The following COL16A1 variants were observed in gnomAD, a reference collection of about 807,000 sequenced individuals.
COL16A1 encodes collagen alpha-1(XVI) chain.
COL16A1 carries 189 observed loss-of-function variants against 266.3 expected under a neutral mutation model. The ratio of observed to expected loss-of-function variants is 0.71; its 90% CI spans 0.63 to 0.80. The LOEUF is 0.80. COL16A1 is among the 30% of genes least tolerant of loss of function. The probability of loss-of-function intolerance (pLI) is 0.00; values close to 1 mark genes in which losing one functional copy is unlikely to be tolerated. For missense variants in COL16A1, 1,928 were observed against 2,122.4 expected (o/e 0.91, Z 1.80); for synonymous variants, 740 against 782.3 (o/e 0.95, Z 0.90).
At position 31,680,937 on chromosome 1, in the gene COL16A1, G is replaced by T; in HGVS notation, c.2584-6C>A. On this transcript the variant is annotated splice_region_variant and splice_polypyrimidine_tract_variant and intron_variant, in intron 38 of 70. Transcript: ENST00000373672. ...CCTCGTGGTCCTTTTTCACCCTGCA[G>T]GGAAGAAACACAGGAAGGTGAGCAG... The T allele has an allele frequency of 6.2e-7, 1 of 1,614,170 alleles. No individual in the cohort carries two copies. The highest frequency in any genetic ancestry group is 1.3e-5 in the African/African-American group (1 of 75,050).
chr1:31,661,698 G>C lies in COL16A1; in HGVS notation c.3688C>G (p.Pro1230Ala), dbSNP rs373428227. 6 of 1,598,658 alleles carry C rather than the reference G, an allele frequency of 3.8e-6. No individual in the cohort carries two copies. The highest frequency in any genetic ancestry group is 3.3e-4 in the Middle Eastern group (2 of 6,024). Residue 1230 changes from proline (P) to alanine (A), a missense_variant, in exon 59 of 71, where the codon CCT becomes GCT. Physicochemically the swap from Pro to Ala is conservative, Grantham distance 27. This residue lies in a region of COL16A1 where 1,552 missense variants were observed against 1,637.2 expected (regional missense o/e 0.95). Coordinates refer to ENST00000373672, the MANE Select transcript of COL16A1 (RefSeq NM_001856.4). ...KDGKPGLRGD[P>A]GPAGPPGLMG... ...AGTCCAGGGGGGCCAGCAGGACCAG[G>C]GTCCCCCTAGGGAAAGAGACGAGGA...
chr1:31,689,326 A>C (rs1644147296), intron 23 of COL16A1: 1 of 642,300 alleles, frequency 1.6e-6, no homozygotes, highest in South Asian at 2.0e-5. Flanking sequence ...GCATATACCC[A>C]ATCACCTTTT....
At chr1:31,665,648 G>T in intron 54 of COL16A1, 30 bp from the exon 55 acceptor site, 1 of 1,610,646 alleles carries the variant, frequency 6.2e-7, no homozygotes, top group Middle Eastern at 1.7e-4. Flanking sequence ...GCAGTGTGCT[G>T]TGCCACCCCC....
intron 42 of COL16A1, among the ~76,000 whole-genome samples, chr1:31,676,501 G>A (rs1643198217): frequency 6.6e-6 from 1 of 152,086 alleles, no homozygotes; most frequent in Admixed American, 6.6e-5. Flanking sequence ...TACACAGCAA[G>A]GGTGGGTACT....
At chr1:31,684,087 G>A (rs1339449725) in intron 32 of COL16A1, 22 bp downstream of exon 32, 7 of 1,606,910 alleles carry the variant, frequency 4.4e-6, no homozygotes, top group Non-Finnish European at 4.3e-6. Flanking sequence ...GGCAGGGAAG[G>A]GCCGGAGGGC....
rs1344373075 is a variant in COL16A1 at position 31,672,448 on chromosome 1, G to A, written c.3073C>T (p.Pro1025Ser). Residue 1025 changes from proline (P) to serine (S), a missense_variant, in exon 47 of 71, where the codon CCT becomes TCT. Physicochemically the swap from Pro to Ser is moderately conservative, Grantham distance 74. Transcript: ENST00000373672. ...GCVGSPGLPG[P>S]PGLPGQRGEE... Reference sequence around the variant, plus strand: ...CCTCTCTGGCCTGGCAATCCCGGAGGACCAGGTAGGCCTGGGCTCCCAACA... The same window carrying A: ...CCTCTCTGGCCTGGCAATCCCGGAGAACCAGGTAGGCCTGGGCTCCCAACA... 1 of 1,614,150 alleles carries A rather than the reference G, an allele frequency of 6.2e-7. No homozygotes were observed. Among genetic ancestry groups the A allele is most frequent in the Non-Finnish European group, 8.5e-7 (1 of 1,180,006 alleles).
In COL16A1 at chr1:31,656,131, G is replaced by T; in HGVS notation, c.4101+269C>A. ...AGGACAAGGGCCTGGAATGTGAGCA[G>T]GAGCAAGGGAGTGCTCGGGAAATGG... On this transcript the variant is annotated intron_variant, in intron 66 of 70. Transcript: ENST00000373672. The surrounding 1 kb of genome is among the most constrained non-coding windows in gnomAD (Gnocchi z 4.2). The T allele has an allele frequency of 3.6e-6, 2 of 548,296 alleles. No homozygotes were observed. Among genetic ancestry groups the T allele is most frequent in the Non-Finnish European group, 6.4e-6 (2 of 312,480 alleles). The allele number at this position is 548,296 out of a possible 1,614,324, so 34.0% of individuals were successfully genotyped here.
intron 22 of COL16A1, 100 bp from the exon 23 acceptor site, chr1:31,689,951 C>A: frequency 1.1e-6 from 1 of 944,590 alleles, no homozygotes; most frequent in Non-Finnish European, 1.7e-6. Context: ...TTGGGTCCAC[C>A]AGAGCCCCAC....
intron 42 of COL16A1, among the ~76,000 whole-genome samples, chr1:31,677,335 G>A (rs1462292292): frequency 1.3e-5 from 2 of 152,152 alleles, no homozygotes; most frequent in African/African-American, 2.4e-5. Flanking sequence ...GTGATCTGCC[G>A]ACCTTGGCCT....
intron 37 of COL16A1, among the ~76,000 whole-genome samples, chr1:31,681,577 C>G (rs75724665): frequency 1.2e-3 from 183 of 152,366 alleles, no homozygotes; most frequent in African/African-American, 4.1e-3. Flanking sequence ...CCTAGGGTCA[C>G]GCCCCTAGCG....
At chr1:31,660,513 C>T in intron 62 of COL16A1, 72 bp downstream of exon 62, 2 of 1,591,674 alleles carry the variant, frequency 1.3e-6, no homozygotes, top group East Asian at 2.3e-5. Flanking sequence ...GTCATGACAG[C>T]CTATGCACCA....
Position 31,698,013 on chromosome 1 carries a change from C to A in COL16A1, c.550G>T (p.Val184Leu), listed in dbSNP as rs772771805. Reference sequence around the variant, plus strand: ...TGGGAGGAGGCTGAGCTGCAGTCCACGTGCACAGAGGCCACACGTCCAGCC... The same window carrying A: ...TGGGAGGAGGCTGAGCTGCAGTCCAAGTGCACAGAGGCCACACGTCCAGCC... ...SVAGRVASVHVDCSSASSQPL... is the reference protein window; with the variant it reads ...SVAGRVASVHLDCSSASSQPL... The change falls in exon 6 of 71, where the codon GTG (valine) becomes TTG (leucine). Residue 184 changes from valine (V) to leucine (L), a missense_variant. Coordinates refer to ENST00000373672, the MANE Select transcript of COL16A1 (RefSeq NM_001856.4). This position sits in a 1 kb window ranked among gnomAD's most constrained non-coding sequence, Gnocchi z 4.1. 6.2e-7 allele frequency: 1 copy of A among 1,613,608 alleles called. No homozygotes were observed. The highest frequency in any genetic ancestry group is 1.1e-5 in the South Asian group (1 of 91,074).
Position 31,692,625 on chromosome 1 carries a change from C to G in COL16A1, c.1131G>C (p.Lys377Asn). ...DAPLQCAEGP[K>N]GEKGESGALG... ...GAGCTCCTGACTCCCCCTTCTCTCC[C>G]TTCGGGCCTTCTGCACACTGAACAG... Residue 377 changes from lysine (K) to asparagine (N), a missense_variant, in exon 15 of 71, where the codon AAG becomes AAC. Around this residue, in one of 2 missense-constraint regions of COL16A1, gnomAD observed 1,552 missense variants for 1,637.2 expected, o/e 0.95. Coordinates refer to ENST00000373672, the MANE Select transcript of COL16A1 (RefSeq NM_001856.4). 1 of 1,614,182 alleles carries G rather than the reference C, an allele frequency of 6.2e-7. No individual in the cohort carries two copies. The highest frequency in any genetic ancestry group is 8.5e-7 in the Non-Finnish European group (1 of 1,180,010).
At chr1:31,678,873 C>G (rs1347069575) in intron 42 of COL16A1, among the ~76,000 whole-genome samples, 1 of 152,144 alleles carries the variant, frequency 6.6e-6, no homozygotes, top group Non-Finnish European at 1.5e-5. Context: ...TGGAATGTAC[C>G]CTTTATTCAC....
intron 22 of COL16A1, 118 bp downstream of exon 22, chr1:31,690,249 G>A (rs1187830203): frequency 2.0e-6 from 3 of 1,476,050 alleles, no homozygotes; most frequent in Admixed American, 2.1e-5. Flanking sequence ...AAGAACGGGT[G>A]GGGGTCCCCT....
intron 60 of COL16A1, 73 bp downstream of exon 60, chr1:31,661,341 T>G: frequency 6.2e-7 from 1 of 1,610,272 alleles, no homozygotes; most frequent in Non-Finnish European, 8.5e-7. Flanking sequence ...CAGGATAGGC[T>G]GCCATGTATG....
rs1252744127 is a variant in COL16A1, at chr1:31,685,221, GCAGTAACAGTGATAATAACCA to G, written c.2017-386_2017-366del. 1.4e-5 allele frequency among the ~76,000 whole-genome samples: 2 copies of G among 144,132 alleles called. No individual in the cohort carries two copies. Among genetic ancestry groups the G allele is most frequent in the African/African-American group, 5.9e-5 (2 of 33,820 alleles). 94.6% of individuals were successfully genotyped at this position (144,132 alleles called of 152,430 possible). A position where few individuals can be genotyped will look rare whatever the true frequency, so the allele number is the denominator to read the frequency against. On this transcript the variant is annotated intron_variant, in intron 29 of 70. Coordinates refer to ENST00000373672, the MANE Select transcript of COL16A1 (RefSeq NM_001856.4). This position sits in a 1 kb window ranked among gnomAD's most constrained non-coding sequence, Gnocchi z 4.0. ...GGTAGTGCTGGCCGTTACTGTGAAA[GCAGTAACAGTGATAATAACCA>G]CAGTGGTAACTGCCATTTCCCCAGT...
Position 31,652,662 on chromosome 1 carries a change from G to T in COL16A1, c.4804C>A (p.Pro1602Thr). Reference protein sequence around the residue: ...QYPPMKTMKGPFG With the variant: ...QYPPMKTMKGTFG Reference sequence around the variant, plus strand: ...GCAGGTGGGGAATTTCAGCCAAAAGGCCCCTTCATGGTTTTCATGGGTGGG... The same window carrying T: ...GCAGGTGGGGAATTTCAGCCAAAAGTCCCCTTCATGGTTTTCATGGGTGGG... The change falls in exon 71 of 71, where the codon CCT becomes ACT. Residue 1602 changes from proline (P) to threonine (T), a missense_variant. Around this residue, in one of 2 missense-constraint regions of COL16A1, gnomAD observed 376 missense variants for 485.2 expected, o/e 0.77. Coordinates refer to ENST00000373672, the MANE Select transcript of COL16A1 (RefSeq NM_001856.4). This position sits in a 1 kb window ranked among gnomAD's most constrained non-coding sequence, Gnocchi z 4.8. 1.3e-6 allele frequency: 2 copies of T among 1,577,898 alleles called. No homozygotes were observed. Among genetic ancestry groups the T allele is most frequent in the Non-Finnish European group, 1.7e-6 (2 of 1,167,206 alleles).
In COL16A1 at chr1:31,662,370, A is replaced by G. The variant is rs1432621867; in HGVS notation, c.3645T>C (p.Asp1215=). The G allele has an allele frequency of 6.4e-7, 1 of 1,560,094 alleles. No homozygotes were observed. The highest frequency in any genetic ancestry group is 8.7e-7 in the Non-Finnish European group (1 of 1,146,692). The change falls in exon 58 of 71, where the codon GAT becomes GAC. Residue 1215 remains aspartate, a synonymous_variant. Coordinates refer to ENST00000373672, the MANE Select transcript of COL16A1 (RefSeq NM_001856.4). The stretch of plus-strand genomic sequence containing the variant: ...GCTTGCCGTCCTTCCCATCCAAACC[A>G]TCCAGACCGGCGGGGCCCTGGAAAC... ...PPGIQGPAGL[D]GLDGKDGKPG... is the part of the protein sequence containing the mutation.
Sources: allele counts gnomAD v4.1 joint callset (sites outside exome capture counted in the v4.1 genomes callset), GRCh38; gene constraint gnomAD v4.1.1; regional missense constraint gnomAD v4.1.1; non-coding constraint Gnocchi (gnomAD v3.1); transcripts MANE v1.5; gene names NCBI Gene and HGNC (gene_info 2026-07-23, HGNC 2026-07-21).